The following ERC2 variants were observed in gnomAD, a reference collection of about 807,000 sequenced individuals.
The protein encoded by ERC2 is ELKS/RAB6-interacting/CAST family member 2.
In ERC2, 42 loss-of-function variants were observed where a neutral mutation model predicts 114.8. The observed-to-expected ratio is 0.37, with a 90% CI of 0.29 to 0.47. The LOEUF (loss-of-function observed/expected upper bound fraction) is 0.47, where lower values mean the gene tolerates loss of function less well. Among genes scored for constraint, ERC2 ranks in the 20% least tolerant of loss-of-function variants. The pLI is 0.99. For missense variants in ERC2, 939 were observed against 1,150.7 expected (o/e 0.82, Z 2.66); for synonymous variants, 454 against 425.5 (o/e 1.07, Z -0.82).
At chr3:56,108,789 C>T (rs1043693475) in intron 6 of ERC2, among the ~76,000 whole-genome samples, 1 of 152,060 alleles carries the variant, frequency 6.6e-6, no homozygotes. Context: ...TTGAAAGGAG[C>T]AATCTCTTAT....
At chr3:55,640,016 A>T (rs1344006752) in intron 17 of ERC2, among the ~76,000 whole-genome samples, 1 of 152,158 alleles carries the variant, frequency 6.6e-6, no homozygotes, top group African/African-American at 2.4e-5. Flanking sequence ...TCAATGTCGG[A>T]GGGAGCAGCT....
intron 4 of ERC2, among the ~76,000 whole-genome samples, chr3:56,166,687 G>A (rs1457012086): frequency 3.3e-5 from 5 of 151,878 alleles, no homozygotes; most frequent in South Asian, 2.1e-4. Flanking sequence ...TTATCACAAA[G>A]TTGCTAATAA....
At chr3:56,040,723 T>C (rs956143161) in intron 7 of ERC2, among the ~76,000 whole-genome samples, 6 of 133,362 alleles carry the variant, frequency 4.5e-5, no homozygotes, top group African/African-American at 1.4e-4. Context: ...GAGATACATA[T>C]AGATATATCT....
intron 3 of ERC2, among the ~76,000 whole-genome samples, chr3:56,224,300 T>G (rs2050112617): frequency 6.6e-6 from 1 of 152,150 alleles, no homozygotes; most frequent in Non-Finnish European, 1.5e-5. Context: ...AGTGTTTACG[T>G]TAAAGGATGT....
intron 2 of ERC2, among the ~76,000 whole-genome samples, chr3:56,318,961 CAAAAAA>C (rs35256298): frequency 1.2e-5 from 1 of 81,592 alleles, no homozygotes; most frequent in African/African-American, 4.9e-5. Context: ...GACCCTGTCT[CAAAAAA>C]AAAAAAAAAA....
At chr3:56,403,747 A>G (rs2060609140) in intron 2 of ERC2, among the ~76,000 whole-genome samples, 1 of 152,328 alleles carries the variant, frequency 6.6e-6, no homozygotes, top group Non-Finnish European at 1.5e-5. Context: ...CTAGAAGTCC[A>G]TATTTCTCCA....
chr3:56,096,929 C>T (rs1459602706), intron 6 of ERC2, among the ~76,000 whole-genome samples: 2 of 152,172 alleles, frequency 1.3e-5, no homozygotes, highest in African/African-American at 4.8e-5. Flanking sequence ...TATCCTCAGA[C>T]ATTCAGAAAC....
intron 13 of ERC2, among the ~76,000 whole-genome samples, chr3:55,935,343 G>T (rs1457102676): frequency 6.6e-6 from 1 of 152,210 alleles, no homozygotes; most frequent in African/African-American, 2.4e-5. Flanking sequence ...CATTTGAAAT[G>T]TGAGTGCCAA....
At chr3:55,789,850 T>C (rs2069840239) in intron 14 of ERC2, among the ~76,000 whole-genome samples, 1 of 152,176 alleles carries the variant, frequency 6.6e-6, no homozygotes, top group South Asian at 2.1e-4. Context: ...GCCAGGGGAC[T>C]TTTTGGCATC....
chr3:55,924,689 C>T (rs74422712), intron 13 of ERC2, among the ~76,000 whole-genome samples: 1 of 152,040 alleles, frequency 6.6e-6, no homozygotes, highest in Non-Finnish European at 1.5e-5. Flanking sequence ...GGAGAGGGAG[C>T]AGGGGGTGGA....
intron 14 of ERC2, among the ~76,000 whole-genome samples, chr3:55,787,064 G>A (rs1039032403): frequency 2.0e-5 from 3 of 152,116 alleles, no homozygotes; most frequent in East Asian, 3.9e-4. Context: ...CACAATCTTA[G>A]GCAAGGTAAT....
At chr3:55,574,071 G>C (rs112467395) in intron 17 of ERC2, among the ~76,000 whole-genome samples, 1 of 152,162 alleles carries the variant, frequency 6.6e-6, no homozygotes, top group Admixed American at 6.5e-5. Context: ...GCTATTATTA[G>C]AAGCTACTTG....
intron 3 of ERC2, among the ~76,000 whole-genome samples, chr3:56,225,108 C>A (rs564769644): frequency 2.5e-4 from 38 of 152,248 alleles, no homozygotes; most frequent in African/African-American, 8.4e-4. Context: ...GCCTTCTACC[C>A]TATTCCTAGG....
intron 2 of ERC2, among the ~76,000 whole-genome samples, chr3:56,306,995 A>T (rs888420082): frequency 6.6e-6 from 1 of 152,222 alleles, no homozygotes; most frequent in African/African-American, 2.4e-5. Flanking sequence ...GCCTGTGCCT[A>T]CAGCCATCCT....
chr3:55,965,963 C>T (rs2068725047), intron 12 of ERC2, among the ~76,000 whole-genome samples: 3 of 152,164 alleles, frequency 2.0e-5, no homozygotes, highest in Admixed American at 6.5e-5. Flanking sequence ...AACCACTTCC[C>T]CACACAATTG....
chr3:55,766,383 G>A (rs1559620498), intron 14 of ERC2, among the ~76,000 whole-genome samples: 1 of 151,808 alleles, frequency 6.6e-6, no homozygotes, highest in Non-Finnish European at 1.5e-5. Context: ...TTTTTAGATG[G>A]AGTCTCGCTC....
chr3:56,181,385 T>G (rs2083278789), intron 3 of ERC2, among the ~76,000 whole-genome samples: 2 of 152,228 alleles, frequency 1.3e-5, no homozygotes, highest in Admixed American at 1.3e-4. Context: ...AACGCTGCTA[T>G]GCACATTGAT....
At chr3:55,752,748 C>G (rs2066794154) in intron 14 of ERC2, among the ~76,000 whole-genome samples, 1 of 141,154 alleles carries the variant, frequency 7.1e-6, no homozygotes, top group Non-Finnish European at 1.5e-5. Flanking sequence ...TAGTAGATGG[C>G]AAAGTAGAGA....
intron 2 of ERC2, among the ~76,000 whole-genome samples, chr3:56,381,231 T>C (rs556623730): frequency 1.3e-5 from 2 of 152,334 alleles, no homozygotes; most frequent in Non-Finnish European, 2.9e-5. Flanking sequence ...TAAAGTATTA[T>C]ATGATTTGTT....
Sources: gnomAD v4.1 joint callset for allele counts (sites outside exome capture counted in the v4.1 genomes callset) on GRCh38, gnomAD v4.1.1 for gene constraint, MANE v1.5 for transcripts, NCBI Gene and HGNC (gene_info 2026-07-23, HGNC 2026-07-21) for gene names.